Variants in HDAC9 observed in about 807,000 individuals in gnomAD.
The protein encoded by HDAC9 is histone deacetylase 9.
In HDAC9, 41 loss-of-function variants were observed where a neutral mutation model predicts 139.4. That is an observed-to-expected ratio of 0.29 (90% CI 0.23 to 0.38). HDAC9 has a LOEUF of 0.38. Among genes scored for constraint, HDAC9 ranks in the 10% least tolerant of loss-of-function variants. The pLI is 1.00. For missense variants in HDAC9, 1,147 were observed against 1,297.0 expected (o/e 0.88, Z 1.78); for synonymous variants, 517 against 476.2 (o/e 1.09, Z -1.12).
chr7:18,937,232 G>C (rs1781705558), intron 23 of HDAC9, among the ~76,000 whole-genome samples: 1 of 151,796 alleles, frequency 6.6e-6, no homozygotes, highest in African/African-American at 2.4e-5. Flanking sequence ...TAGAGACGGG[G>C]TTTCACCATG....
At chr7:18,340,296 T>C (rs1022283140) in intron 1 of HDAC9, among the ~76,000 whole-genome samples, 6 of 151,590 alleles carry the variant, frequency 4.0e-5, no homozygotes, top group South Asian at 4.1e-4. Flanking sequence ...TGCATATAAT[T>C]GGATTTTTAA....
intron 12 of HDAC9, among the ~76,000 whole-genome samples, chr7:18,689,372 G>A (rs1292470022): frequency 6.6e-6 from 1 of 151,900 alleles, no homozygotes; most frequent in African/African-American, 2.4e-5. Flanking sequence ...TTTTCTAGTA[G>A]GATATGGCTA....
At chr7:18,628,927 C>G (rs1781489708) in intron 6 of HDAC9, among the ~76,000 whole-genome samples, 1 of 152,072 alleles carries the variant, frequency 6.6e-6, no homozygotes, top group South Asian at 2.1e-4. Context: ...GTCAGAGTCT[C>G]TAAAATCACA....
intron 1 of HDAC9, among the ~76,000 whole-genome samples, chr7:18,316,669 G>A (rs1799667038): frequency 6.7e-6 from 1 of 148,940 alleles, no homozygotes; most frequent in African/African-American, 2.5e-5. Flanking sequence ...GGGTGTCATG[G>A]CGCACACCCA....
chr7:18,094,251 G>A (rs1008509336), intron 1 of HDAC9, among the ~76,000 whole-genome samples: 1 of 151,986 alleles, frequency 6.6e-6, no homozygotes, highest in African/African-American at 2.4e-5. Flanking sequence ...GCTTGACTGG[G>A]GTCAACAGTA....
chr7:18,164,682 G>T (rs531387291), intron 2 of HDAC9, among the ~76,000 whole-genome samples: 1 of 152,274 alleles, frequency 6.6e-6, no homozygotes, highest in Middle Eastern at 3.4e-3. Flanking sequence ...TTCAAATATG[G>T]TTGATATGAA....
intron 25 of HDAC9, among the ~76,000 whole-genome samples, chr7:18,983,913 C>A (rs948905501): frequency 2.0e-5 from 3 of 152,094 alleles, no homozygotes; most frequent in Non-Finnish European, 4.4e-5. Context: ...TGTCCTCTAC[C>A]TTCTTCCACC....
rs530418874 is a variant in HDAC9 at position 18,723,455 on chromosome 7, C to G, written c.1732-4125C>G. Among the ~76,000 whole-genome samples, 7 of 152,266 alleles carry G rather than the reference C, an allele frequency of 4.6e-5. No homozygotes were observed. The South Asian group carries it at 1.0e-3, about 23-fold the overall frequency. ...CTGTCTGTACAGTGCAGCACAAGGA[C>G]TGTTGCCTTTTGGTTGAGCAATAGA... On this transcript the variant is annotated intron_variant, in intron 12 of 25. Transcript: ENST00000686413.
At chr7:18,213,356 A>G (rs918354397) in intron 2 of HDAC9, among the ~76,000 whole-genome samples, 2 of 152,128 alleles carry the variant, frequency 1.3e-5, no homozygotes. Context: ...ATTTGAAATT[A>G]TGTTGCTTTA....
intron 1 of HDAC9, among the ~76,000 whole-genome samples, chr7:18,342,888 G>A (rs1409866877): frequency 6.6e-6 from 1 of 151,864 alleles, no homozygotes; most frequent in East Asian, 1.9e-4. Context: ...TACTGAATGA[G>A]AGAGAAGAAT....
At chr7:18,357,844 T>C (rs990571854) in intron 1 of HDAC9, among the ~76,000 whole-genome samples, 2 of 152,114 alleles carry the variant, frequency 1.3e-5, no homozygotes, top group African/African-American at 4.8e-5. Context: ...AGGATGTGGC[T>C]TGGGGAGGTA....
chr7:18,235,640 TC>T (rs2128186640), intron 2 of HDAC9, among the ~76,000 whole-genome samples: 1 of 152,352 alleles, frequency 6.6e-6, no homozygotes, highest in South Asian at 2.1e-4. Context: ...TTAACTTTAA[TC>T]CTTAACTATT....
intron 2 of HDAC9, among the ~76,000 whole-genome samples, chr7:18,270,736 G>A (rs963270175): frequency 2.0e-5 from 3 of 152,004 alleles, no homozygotes; most frequent in African/African-American, 7.2e-5. Flanking sequence ...TACATTTTAT[G>A]TGCACCTTCT....
intron 17 of HDAC9, among the ~76,000 whole-genome samples, chr7:18,818,869 G>A (rs1444605837): frequency 6.6e-6 from 1 of 152,102 alleles, no homozygotes; most frequent in Non-Finnish European, 1.5e-5. Flanking sequence ...CGTTTCTGTT[G>A]CCCATGGGAC....
At chr7:18,192,305 C>G (rs2128151460) in intron 2 of HDAC9, among the ~76,000 whole-genome samples, 1 of 152,246 alleles carries the variant, frequency 6.6e-6, no homozygotes, top group South Asian at 2.1e-4. Flanking sequence ...TGGCTTGCTG[C>G]TGCTGCGTAA....
chr7:18,759,038 T>C (rs928963088), intron 14 of HDAC9, among the ~76,000 whole-genome samples: 1 of 151,876 alleles, frequency 6.6e-6, no homozygotes, highest in African/African-American at 2.4e-5. Flanking sequence ...TAAATCAAAG[T>C]GAAAACTTAG....
At chr7:18,146,452 G>C (rs1786337840) in intron 1 of HDAC9, among the ~76,000 whole-genome samples, 1 of 152,110 alleles carries the variant, frequency 6.6e-6, no homozygotes, top group East Asian at 1.9e-4. Context: ...TTTTTCTTCA[G>C]AGCTGCTATG....
intron 2 of HDAC9, among the ~76,000 whole-genome samples, chr7:18,251,900 A>C (rs1794936708): frequency 6.6e-6 from 1 of 152,210 alleles, no homozygotes; most frequent in Non-Finnish European, 1.5e-5. Flanking sequence ...AGATGAGTTA[A>C]AGGAGGGAAA....
chr7:18,220,889 A>C (rs1212600458), intron 2 of HDAC9, among the ~76,000 whole-genome samples: 2 of 152,144 alleles, frequency 1.3e-5, no homozygotes, highest in African/African-American at 4.8e-5. Context: ...CTTATTTCCT[A>C]CTCAAGAAGC....
Sources: gnomAD v4.1 joint callset for allele counts (sites outside exome capture counted in the v4.1 genomes callset) on GRCh38, gnomAD v4.1.1 for gene constraint, MANE v1.5 for transcripts, NCBI Gene and HGNC (gene_info 2026-07-23, HGNC 2026-07-21) for gene names.